The following AKR1C2 variants were observed in gnomAD, a reference collection of about 807,000 sequenced individuals.
AKR1C2 encodes the protein 3-alpha-HSD3.
AKR1C2 carries 27 observed loss-of-function variants against 39.8 expected under a neutral mutation model. That is an observed-to-expected ratio of 0.68 (90% confidence interval 0.50 to 0.93). The LOEUF (loss-of-function observed/expected upper bound fraction) is 0.93, where lower values mean the gene tolerates loss of function less well. Among genes scored for constraint, AKR1C2 ranks in the 40% least tolerant of loss-of-function variants. The pLI, the probability that AKR1C2 is intolerant of heterozygous loss-of-function variation, is 0.00. For missense variants in AKR1C2, 263 were observed against 365.1 expected, an observed-to-expected ratio of 0.72 and a Z score of 2.28; for synonymous variants, 114 against 137.9, an observed-to-expected ratio of 0.83 and a Z score of 1.22.
Position 5,014,622 on chromosome 10 carries a change from G to T in AKR1C2, c.-88+3278C>A, listed in dbSNP as rs1211232951. Among the ~76,000 whole-genome samples the T allele has an allele frequency of 3.3e-5, 5 of 152,196 alleles. No homozygotes were observed. The East Asian group carries it at 9.7e-4, about 29-fold the overall frequency. Reference sequence around the variant, plus strand: ...ATTTGAAAGCTGTCAGATCTATTTGGGGAATTAAAGGTGCCTGGACCTCAG... The same window carrying T: ...ATTTGAAAGCTGTCAGATCTATTTGTGGAATTAAAGGTGCCTGGACCTCAG... On this transcript the variant is annotated intron_variant, in intron 1 of 6. Transcript: ENST00000604507.
Position 4,995,740 on chromosome 10 carries a change from C to T in AKR1C2, c.680+16G>A. ...CAAACCAGTGTTTTAGGTAAACTTCCTGTATCTCTTATTACCATGGTTCTT... is the reference window on the plus strand; with the variant it reads ...CAAACCAGTGTTTTAGGTAAACTTCTTGTATCTCTTATTACCATGGTTCTT... On this transcript the variant is annotated intron_variant, in intron 6 of 8. Coordinates refer to ENST00000380753, the MANE Select transcript of AKR1C2 (RefSeq NM_001393392.1). The T allele has an allele frequency of 6.2e-7, 1 of 1,605,560 alleles. No homozygotes were observed. Among genetic ancestry groups the T allele is most frequent in the South Asian group, 1.1e-5 (1 of 89,476 alleles).
chr10:5,012,271 GTAGGCTCAA>G (rs1554774982), intron 1 of AKR1C2, among the ~76,000 whole-genome samples: 1 of 151,892 alleles, frequency 6.6e-6, no homozygotes, highest in Non-Finnish European at 1.5e-5. Context: ...AGCTAGTACA[GTAGGCTCAA>G]TACTGCTCCC....
At chr10:4,996,426 T>A (rs1178415738) in intron 5 of AKR1C2, among the ~76,000 whole-genome samples, 3 of 149,922 alleles carry the variant, frequency 2.0e-5, no homozygotes, top group Non-Finnish European at 3.0e-5. Flanking sequence ...TATGATGGAT[T>A]TGTATGTTGA....
intron 3 of AKR1C2, 150 bp downstream of exon 3, chr10:5,000,400 T>C (rs782100188): frequency 5.1e-6 from 8 of 1,563,988 alleles, no homozygotes; most frequent in East Asian, 2.4e-5. Flanking sequence ...TTCTGTTCCA[T>C]AGAAAGGAAT....
In AKR1C2 at chr10:4,989,884, G is replaced by C. The variant is rs138233739; in HGVS notation, c.*112C>G. On this transcript the variant is annotated 3_prime_UTR_variant, in exon 9 of 9. Transcript: ENST00000380753. ...AGCTGTAGCTTACTGAAGTCGCCAA[G>C]CAGGAGAGATTTAACCAGAGGCGAT... is the stretch of plus-strand genomic sequence containing the variant. The C allele has an allele frequency of 2.8e-5, 40 of 1,446,362 alleles. No individual in the cohort carries two copies. The East Asian group carries it at 7.6e-4, about 28-fold the overall frequency. 89.6% of individuals were successfully genotyped at this position (1,446,362 alleles called of 1,614,324 possible).
intron 1 of AKR1C2, among the ~76,000 whole-genome samples, chr10:5,012,819 A>G (rs1329827900): frequency 3.3e-5 from 5 of 152,124 alleles, no homozygotes; most frequent in Non-Finnish European, 5.9e-5. Flanking sequence ...TGCATCATCA[A>G]TTTTTCTCTT....
chr10:5,014,734 C>A (rs1242303566), intron 1 of AKR1C2, among the ~76,000 whole-genome samples: 3 of 152,208 alleles, frequency 2.0e-5, no homozygotes, highest in Non-Finnish European at 4.4e-5. Flanking sequence ...ATGGCATGGA[C>A]AATGTCTAAC....
upstream of AKR1C2, among the ~76,000 whole-genome samples, chr10:5,005,187 T>C (rs1363449764): frequency 1.3e-5 from 2 of 152,040 alleles, no homozygotes; most frequent in Non-Finnish European, 2.9e-5. Context: ...CATTGGTTAT[T>C]TGGGGAAATA....
At chr10:5,008,192 G>A (rs1209410594), upstream of AKR1C2, among the ~76,000 whole-genome samples, 14 of 150,688 alleles carry the variant, frequency 9.3e-5, no homozygotes, top group African/African-American at 2.7e-4. Context: ...TGCACCCATG[G>A]AGACCCCCTG....
At chr10:4,996,830 A>G (rs1260767935) in intron 5 of AKR1C2, among the ~76,000 whole-genome samples, 1 of 152,044 alleles carries the variant, frequency 6.6e-6, no homozygotes, top group Non-Finnish European at 1.5e-5. Context: ...AAGAATAGTT[A>G]AACAAGTGGT....
intron 1 of AKR1C2, among the ~76,000 whole-genome samples, chr10:5,003,209 T>A (rs1402750815): frequency 1.6e-5 from 2 of 127,848 alleles, no homozygotes; most frequent in African/African-American, 2.9e-5. Flanking sequence ...TTCTAGTTTT[T>A]TTTTTTTTTT....
At chr10:5,002,166 T>C (rs1837293712) in intron 1 of AKR1C2, among the ~76,000 whole-genome samples, 1 of 152,206 alleles carries the variant, frequency 6.6e-6, no homozygotes, top group African/African-American at 2.4e-5. Context: ...CTACAAGAGA[T>C]GCCCTCTACA....
At chr10:5,017,472 G>T (rs2131736309) in intron 1 of AKR1C2, among the ~76,000 whole-genome samples, 1 of 152,292 alleles carries the variant, frequency 6.6e-6, no homozygotes. Context: ...GGAACACGAT[G>T]ATGCCAATCT....
At chr10:5,009,358 G>T (rs1377805880) in intron 1 of AKR1C2, among the ~76,000 whole-genome samples, 1 of 152,084 alleles carries the variant, frequency 6.6e-6, no homozygotes, top group African/African-American at 2.4e-5. Flanking sequence ...TTTTACTATT[G>T]CTCAATACTA....
chr10:4,993,968 T>G (rs190857787), intron 7 of AKR1C2, among the ~76,000 whole-genome samples: 1 of 151,890 alleles, frequency 6.6e-6, no homozygotes, highest in East Asian at 1.9e-4. Context: ...ATGAATGCCA[T>G]TACCTAGATT....
chr10:4,990,802 C>T (rs555827823), intron 8 of AKR1C2, among the ~76,000 whole-genome samples: 2 of 151,984 alleles, frequency 1.3e-5, no homozygotes, highest in African/African-American at 4.8e-5. Flanking sequence ...TGATTGATTT[C>T]ATGATCATAA....
At chr10:5,000,380 C>T in intron 3 of AKR1C2, 170 bp downstream of exon 3, 1 of 1,552,794 alleles carries the variant, frequency 6.4e-7, no homozygotes, top group Non-Finnish European at 8.7e-7. Flanking sequence ...AGTATGGATT[C>T]AAAATTGCTT....
intron 1 of AKR1C2, chr10:5,013,286 T>C (rs1381314568): frequency 2.0e-5 from 3 of 152,252 alleles, no homozygotes; most frequent in Non-Finnish European, 4.4e-5. Flanking sequence ...CTAATATTTA[T>C]GAAACGATTC....
intron 1 of AKR1C2, among the ~76,000 whole-genome samples, chr10:5,016,777 A>T (rs1432267790): frequency 6.6e-6 from 1 of 152,226 alleles, no homozygotes; most frequent in Non-Finnish European, 1.5e-5. Context: ...GAAGTTCTCC[A>T]TGAGTGTTCC....
Sources: allele counts gnomAD v4.1 joint callset (sites outside exome capture counted in the v4.1 genomes callset), GRCh38; gene constraint gnomAD v4.1.1; transcripts MANE v1.5; gene names NCBI Gene and HGNC (gene_info 2026-07-23, HGNC 2026-07-21).